The following STIM1 variants were observed in gnomAD, a reference collection of about 807,000 sequenced individuals.
The protein encoded by STIM1 is stromal interaction molecule 1.
In STIM1, 25 loss-of-function variants were observed where a neutral mutation model predicts 74.7. The observed-to-expected ratio is 0.33, with a 90% confidence interval of 0.24 to 0.47. STIM1 has a LOEUF of 0.47. STIM1 is among the 20% of genes least tolerant of loss of function. STIM1 has a pLI of 1.00. For synonymous variants in STIM1, 328 were observed against 348.8 expected, an observed-to-expected ratio of 0.94 and a Z score of 0.66; for missense variants, 728 against 920.8, an observed-to-expected ratio of 0.79 and a Z score of 2.71.
At chr11:4,059,138 C>T (rs2094312455) in intron 4 of STIM1, 143 bp from the exon 5 acceptor site, 1 of 811,860 alleles carries the variant, frequency 1.2e-6, no homozygotes, top group Non-Finnish European at 2.0e-6. Context: ...TGAGACCCAA[C>T]TGGTATAGAC....
chr11:3,990,609 C>T (rs2093601563), intron 2 of STIM1, among the ~76,000 whole-genome samples: 1 of 152,134 alleles, frequency 6.6e-6, no homozygotes, highest in Non-Finnish European at 1.5e-5. Flanking sequence ...CTCATCAACA[C>T]TTGTTATTGT....
intron 3 of STIM1, among the ~76,000 whole-genome samples, chr11:4,025,635 TG>T: frequency 6.6e-6 from 1 of 152,212 alleles, no homozygotes. Flanking sequence ...GAATTAAAGA[TG>T]GCAGGGAGAG....
chr11:4,082,606 G>A (rs1345980923), intron 8 of STIM1, among the ~76,000 whole-genome samples: 1 of 152,196 alleles, frequency 6.6e-6, no homozygotes, highest in East Asian at 1.9e-4. Context: ...CAGAGGGAAA[G>A]CTCTGCCAGC....
intron 1 of STIM1, among the ~76,000 whole-genome samples, chr11:3,887,156 G>A (rs962533329): frequency 6.6e-6 from 1 of 152,146 alleles, no homozygotes; most frequent in Admixed American, 6.5e-5. Flanking sequence ...TAATAAGAGA[G>A]GAGGCTTGGG....
Position 3,984,963 on chromosome 11 carries a change from G to C in STIM1, c.270+17281G>C, listed in dbSNP as rs569884802. On this transcript the variant is annotated intron_variant, in intron 2 of 12. Transcript: ENST00000526596. ...GGATGCAGTGATCTTATATGTACTG[G>C]TGTAGCAGAAGCCATATTGTCAGCC... 2.4e-4 allele frequency among the ~76,000 whole-genome samples: 36 copies of C among 152,248 alleles called. No individual in the cohort carries two copies. In the South Asian group the frequency reaches 7.5e-3, roughly 32 times the overall value.
intron 5 of STIM1, among the ~76,000 whole-genome samples, chr11:4,066,444 C>T (rs1411775707): frequency 1.3e-5 from 2 of 152,150 alleles, no homozygotes; most frequent in African/African-American, 4.8e-5. Context: ...TTGCTAAATA[C>T]CTGTTCTGGT....
chr11:3,890,149 A>T (rs2091851744), intron 1 of STIM1, among the ~76,000 whole-genome samples: 1 of 152,052 alleles, frequency 6.6e-6, no homozygotes, highest in South Asian at 2.1e-4. Context: ...TGCCTCTTAG[A>T]TATCTGACCT....
intron 1 of STIM1, among the ~76,000 whole-genome samples, chr11:3,864,402 A>C (rs549136373): frequency 3.4e-4 from 52 of 152,328 alleles, no homozygotes; most frequent in African/African-American, 1.1e-3. Flanking sequence ...GATGGCAGTC[A>C]AACTGTTGGC....
At chr11:3,873,390 C>G (rs2091193760) in intron 1 of STIM1, among the ~76,000 whole-genome samples, 1 of 149,850 alleles carries the variant, frequency 6.7e-6, no homozygotes, top group African/African-American at 2.5e-5. Context: ...TGCACTCCAG[C>G]CTGGGCAACA....
chr11:3,880,684 A>G (rs1175221143), intron 1 of STIM1, among the ~76,000 whole-genome samples: 1 of 152,124 alleles, frequency 6.6e-6, no homozygotes, highest in Non-Finnish European at 1.5e-5. Flanking sequence ...AATAAATCAT[A>G]TTCAGACCAT....
intron 1 of STIM1, among the ~76,000 whole-genome samples, chr11:3,883,648 C>G (rs959453299): frequency 2.0e-5 from 3 of 152,236 alleles, no homozygotes; most frequent in Non-Finnish European, 4.4e-5. Context: ...GCACCACACC[C>G]AGCCAATGGG....
chr11:3,912,636 G>C (rs576557477), intron 1 of STIM1, among the ~76,000 whole-genome samples: 24 of 152,214 alleles, frequency 1.6e-4, no homozygotes, highest in African/African-American at 5.5e-4. Flanking sequence ...AAAGTGTTGG[G>C]ATTACAGGTG....
intron 1 of STIM1, chr11:3,947,725 G>C (rs2093096128): frequency 6.6e-6 from 1 of 152,188 alleles, no homozygotes; most frequent in Non-Finnish European, 1.5e-5. Flanking sequence ...TGGTAACCAG[G>C]TAGGCACCTG....
intron 3 of STIM1, among the ~76,000 whole-genome samples, chr11:4,054,372 A>G (rs1190878913): frequency 6.6e-6 from 1 of 152,184 alleles, no homozygotes; most frequent in Non-Finnish European, 1.5e-5. Context: ...ACTACCTGCC[A>G]TATATTCTAT....
At chr11:3,966,059 A>G (rs1327204228) in intron 1 of STIM1, among the ~76,000 whole-genome samples, 6 of 152,094 alleles carry the variant, frequency 3.9e-5, no homozygotes, top group African/African-American at 1.4e-4. Context: ...CATTTCTTCA[A>G]TGTTCTTCTT....
chr11:4,051,225 A>C (rs1435033263), intron 3 of STIM1, among the ~76,000 whole-genome samples: 1 of 152,230 alleles, frequency 6.6e-6, no homozygotes, highest in Non-Finnish European at 1.5e-5. Flanking sequence ...CAACATGAGC[A>C]CTGAAGTTGA....
At chr11:4,022,954 C>A (rs577109340) in intron 2 of STIM1, among the ~76,000 whole-genome samples, 3 of 152,158 alleles carry the variant, frequency 2.0e-5, no homozygotes, top group Non-Finnish European at 2.9e-5. Flanking sequence ...GAAGATGAGT[C>A]ACTAATGTCA....
chr11:3,926,301 A>G (rs1185251018), intron 1 of STIM1, among the ~76,000 whole-genome samples: 1 of 152,212 alleles, frequency 6.6e-6, no homozygotes, highest in Non-Finnish European at 1.5e-5. Context: ...GAAAACTCAT[A>G]TGTGGTAAGC....
chr11:3,974,894 A>G (rs2093431532), intron 2 of STIM1, among the ~76,000 whole-genome samples: 1 of 152,124 alleles, frequency 6.6e-6, no homozygotes, highest in Non-Finnish European at 1.5e-5. Flanking sequence ...ACAAGGGCCT[A>G]CCTAAGACCA....
Sources: allele counts gnomAD v4.1 joint callset (sites outside exome capture counted in the v4.1 genomes callset), GRCh38; gene constraint gnomAD v4.1.1; transcripts MANE v1.5; gene names NCBI Gene and HGNC (gene_info 2026-07-23, HGNC 2026-07-21).